The following TNIK variants were observed in gnomAD, a reference collection of about 807,000 sequenced individuals.
TNIK encodes the protein TRAF2 and NCK-interacting protein kinase.
Under a neutral mutation model 191.3 loss-of-function variants are expected in TNIK, and 49 were observed. The ratio of observed to expected loss-of-function variants is 0.26; its 90% CI spans 0.20 to 0.32. The LOEUF (loss-of-function observed/expected upper bound fraction) is 0.32, where lower values mean the gene tolerates loss of function less well. Ranked by LOEUF, TNIK falls within the 10% of genes least tolerant of loss-of-function variation. The probability of loss-of-function intolerance (pLI) is 1.00; values close to 1 mark genes in which losing one functional copy is unlikely to be tolerated. For missense variants in TNIK, 1,155 were observed against 1,702.3 expected, an observed-to-expected ratio of 0.68 and a Z score of 5.66; for synonymous variants, 594 against 600.9, an observed-to-expected ratio of 0.99 and a Z score of 0.17.
At chr3:171,070,832 T>A (rs1719093101) in intron 29 of TNIK, among the ~76,000 whole-genome samples, 1 of 152,222 alleles carries the variant, frequency 6.6e-6, no homozygotes, top group Non-Finnish European at 1.5e-5. Flanking sequence ...TAAAAGAGAC[T>A]CAGTTTAACT....
intron 1 of TNIK, among the ~76,000 whole-genome samples, chr3:171,439,343 CAA>C (rs557225889): frequency 1.4e-3 from 133 of 97,498 alleles, no homozygotes; most frequent in African/African-American, 4.3e-3. Flanking sequence ...GACTCTGTCT[CAA>C]AAAAAAAAAA....
At chr3:171,339,364 C>A (rs1757291443) in intron 2 of TNIK, among the ~76,000 whole-genome samples, 1 of 152,232 alleles carries the variant, frequency 6.6e-6, no homozygotes. Context: ...ATTAGAGAAG[C>A]CAGTGCTGAT....
chr3:171,262,949 T>C (rs1747826079), intron 2 of TNIK, among the ~76,000 whole-genome samples: 1 of 152,154 alleles, frequency 6.6e-6, no homozygotes, highest in Non-Finnish European at 1.5e-5. Context: ...GATGAAACAC[T>C]CATAGAAAGA....
At chr3:171,104,135 TAAAA>T (rs1487425567) in intron 21 of TNIK, among the ~76,000 whole-genome samples, 1 of 152,054 alleles carries the variant, frequency 6.6e-6, no homozygotes, top group African/African-American at 2.4e-5. Flanking sequence ...TATGAAAAGG[TAAAA>T]ATAATGAATA....
chr3:171,085,715 G>A (rs1721265209), intron 24 of TNIK, among the ~76,000 whole-genome samples: 2 of 152,172 alleles, frequency 1.3e-5, no homozygotes, highest in Non-Finnish European at 2.9e-5. Context: ...CTGGCCTGGT[G>A]ATGCAAGTGA....
chr3:171,357,783 G>A (rs1483096007), intron 2 of TNIK, among the ~76,000 whole-genome samples: 1 of 152,286 alleles, frequency 6.6e-6, no homozygotes, highest in East Asian at 1.9e-4. Flanking sequence ...CCAACAGGGG[G>A]TGAGGAAGGG....
intron 2 of TNIK, among the ~76,000 whole-genome samples, chr3:171,234,160 C>T (rs374118405): frequency 6.6e-6 from 1 of 152,276 alleles, no homozygotes; most frequent in African/African-American, 2.4e-5. Flanking sequence ...GGAATGCTAC[C>T]TTTCCTTGAT....
intron 3 of TNIK, among the ~76,000 whole-genome samples, chr3:171,218,341 G>A (rs1741710539): frequency 6.6e-6 from 1 of 152,076 alleles, no homozygotes. Context: ...AGCCTGCACT[G>A]AGGCATGACT....
chr3:171,262,140 G>A (rs113970949), intron 2 of TNIK, among the ~76,000 whole-genome samples: 3 of 152,178 alleles, frequency 2.0e-5, no homozygotes, highest in African/African-American at 7.2e-5. Flanking sequence ...CCATGCTAGA[G>A]TGAGGGCAGA....
intron 2 of TNIK, among the ~76,000 whole-genome samples, chr3:171,252,600 T>C (rs1348281679): frequency 6.6e-6 from 1 of 152,210 alleles, no homozygotes; most frequent in African/African-American, 2.4e-5. Flanking sequence ...GGTAAAATAC[T>C]GAAGCAAACA....
At chr3:171,067,962 T>G (rs1718682958) in intron 30 of TNIK, among the ~76,000 whole-genome samples, 1 of 152,196 alleles carries the variant, frequency 6.6e-6, no homozygotes, top group Non-Finnish European at 1.5e-5. Flanking sequence ...CTGAAACAAC[T>G]TCTTTTAGTT....
chr3:171,345,487 A>C (rs1712014686), intron 2 of TNIK, among the ~76,000 whole-genome samples: 1 of 152,100 alleles, frequency 6.6e-6, no homozygotes, highest in African/African-American at 2.4e-5. Flanking sequence ...TTGGTAGTTA[A>C]ATCTTAGGCT....
At chr3:171,249,826 C>T (rs1317536436) in intron 2 of TNIK, among the ~76,000 whole-genome samples, 1 of 152,188 alleles carries the variant, frequency 6.6e-6, no homozygotes, top group Non-Finnish European at 1.5e-5. Context: ...CCACCCAACC[C>T]AACCTACCTA....
At chr3:171,290,088 G>C (rs1290357257) in intron 2 of TNIK, among the ~76,000 whole-genome samples, 2 of 152,102 alleles carry the variant, frequency 1.3e-5, no homozygotes, top group African/African-American at 2.4e-5. Context: ...ATGTTTTTAG[G>C]ATAGAAGTAG....
At chr3:171,455,736 A>G (rs1265090164) in intron 1 of TNIK, among the ~76,000 whole-genome samples, 1 of 152,218 alleles carries the variant, frequency 6.6e-6, no homozygotes, top group Non-Finnish European at 1.5e-5. Context: ...CTTATTAACT[A>G]TGGTTAAATG....
intron 1 of TNIK, among the ~76,000 whole-genome samples, chr3:171,396,883 A>G (rs1210003980): frequency 6.6e-6 from 1 of 152,200 alleles, no homozygotes; most frequent in African/African-American, 2.4e-5. Flanking sequence ...TGATGAAACC[A>G]CTAAAGATGG....
At chr3:171,436,168 A>G (rs761971714) in intron 1 of TNIK, among the ~76,000 whole-genome samples, 9 of 152,138 alleles carry the variant, frequency 5.9e-5, no homozygotes, top group Non-Finnish European at 7.4e-5. Context: ...CCCCACTCCT[A>G]TACAGCTAGC....
At chr3:171,302,684 GAA>G (rs1447635056) in intron 2 of TNIK, among the ~76,000 whole-genome samples, 1 of 152,192 alleles carries the variant, frequency 6.6e-6, no homozygotes, top group Non-Finnish European at 1.5e-5. Flanking sequence ...TGTTTTAAAG[GAA>G]AGTCATTAAT....
At chr3:171,459,925 A>ACCCCCCCC in intron 1 of TNIK, 82 bp downstream of exon 1, 3 of 494,218 alleles carry the variant, frequency 6.1e-6, no homozygotes, top group Non-Finnish European at 7.6e-6. Context: ...CCCCTGCCCC[A>ACCCCCCCC]GCCCCAGCCC....
Sources: gnomAD v4.1 joint callset for allele counts (sites outside exome capture counted in the v4.1 genomes callset) on GRCh38, gnomAD v4.1.1 for gene constraint, MANE v1.5 for transcripts, NCBI Gene and HGNC (gene_info 2026-07-23, HGNC 2026-07-21) for gene names.